Variants in DLG1 observed in about 807,000 individuals in gnomAD.
DLG1 encodes the protein disks large homolog 1.
Under a neutral mutation model 123.4 loss-of-function variants are expected in DLG1, and 42 were observed. The ratio of observed to expected loss-of-function variants is 0.34; its 90% confidence interval spans 0.27 to 0.44. The LOEUF (loss-of-function observed/expected upper bound fraction) is 0.44. Ranked by LOEUF, DLG1 falls within the 20% of genes least tolerant of loss-of-function variation. The pLI is 1.00. For missense variants in DLG1, 942 were observed against 1,082.6 expected, an observed-to-expected ratio of 0.87 and a Z score of 1.82; for synonymous variants, 317 against 356.2, an observed-to-expected ratio of 0.89 and a Z score of 1.24.
At chr3:197,161,705 C>T (rs1798840796) in intron 5 of DLG1, 1 of 1,577,454 alleles carries the variant, frequency 6.3e-7, no homozygotes, top group Non-Finnish European at 8.6e-7. Context: ...ATCACAGGGA[C>T]AGTGGGAGGA....
chr3:197,175,691 G>A (rs1577530473), intron 5 of DLG1, among the ~76,000 whole-genome samples: 1 of 152,078 alleles, frequency 6.6e-6, no homozygotes, highest in East Asian at 1.9e-4. Flanking sequence ...GAGGCTCTGG[G>A]GATACCAAGG....
intron 6 of DLG1, among the ~76,000 whole-genome samples, chr3:197,147,931 T>C (rs1791787541): frequency 6.7e-6 from 1 of 150,294 alleles, no homozygotes; most frequent in African/African-American, 2.4e-5. Flanking sequence ...TATTTGCCAG[T>C]GACATGATCT....
At chr3:197,294,814 G>A (rs1188739122) in intron 3 of DLG1, among the ~76,000 whole-genome samples, 1 of 152,112 alleles carries the variant, frequency 6.6e-6, no homozygotes, top group Non-Finnish European at 1.5e-5. Context: ...TATAAATGTA[G>A]ATTCTGTTAT....
intron 14 of DLG1, among the ~76,000 whole-genome samples, chr3:197,104,189 G>A (rs1268294845): frequency 6.6e-6 from 1 of 152,016 alleles, no homozygotes; most frequent in African/African-American, 2.4e-5. Flanking sequence ...AAAAATCTGG[G>A]TGACCTAATT....
chr3:197,257,761 A>G (rs919981227), intron 4 of DLG1, among the ~76,000 whole-genome samples: 4 of 152,214 alleles, frequency 2.6e-5, no homozygotes, highest in Non-Finnish European at 5.9e-5. Flanking sequence ...CTGCGGTTTA[A>G]GCAGAGTGCT....
rs1415443281 is a variant in DLG1 at position 197,211,484 on chromosome 3, A to G, written c.319-16895T>C. On this transcript the variant is annotated intron_variant, in intron 4 of 24. Coordinates refer to ENST00000667157, the MANE Select transcript of DLG1 (RefSeq NM_001366207.1). ...CATCCCGGGATGCAAGGCTGGTTCA[A>G]TACACGCCAATCAATAAATGTGATT... Among the ~76,000 whole-genome samples, 7 of 146,776 alleles carry G rather than the reference A, an allele frequency of 4.8e-5. 1 individual carries two copies. The highest frequency in any genetic ancestry group is 1.7e-4 in the African/African-American group (7 of 41,134).
At chr3:197,246,840 C>T in intron 4 of DLG1, among the ~76,000 whole-genome samples, 1 of 152,078 alleles carries the variant, frequency 6.6e-6, no homozygotes, top group East Asian at 1.9e-4. Context: ...TGTTACCATC[C>T]CATTGAGGGT....
intron 10 of DLG1, among the ~76,000 whole-genome samples, chr3:197,133,676 T>C (rs1390619024): frequency 6.6e-6 from 1 of 152,134 alleles, no homozygotes; most frequent in Non-Finnish European, 1.5e-5. Flanking sequence ...GAGTGAATAG[T>C]AAAAAGGAGA....
At chr3:197,195,213 A>C (rs1486781902) in intron 4 of DLG1, among the ~76,000 whole-genome samples, 1 of 152,148 alleles carries the variant, frequency 6.6e-6, no homozygotes, top group Non-Finnish European at 1.5e-5. Context: ...CTCATAAAGA[A>C]AAGACACAAA....
intron 15 of DLG1, among the ~76,000 whole-genome samples, chr3:197,089,670 TA>T (rs1756599867): frequency 6.6e-6 from 1 of 151,692 alleles, no homozygotes; most frequent in African/African-American, 2.4e-5. Context: ...CAAGTACAAA[TA>T]AAAGGCAACA....
chr3:197,156,996 T>G (rs1577219827), intron 5 of DLG1, among the ~76,000 whole-genome samples: 1 of 152,096 alleles, frequency 6.6e-6, no homozygotes, highest in Non-Finnish European at 1.5e-5. Flanking sequence ...CAAGTGCACA[T>G]GGGAATAGAA....
At chr3:197,157,824 GTACTGGCATGCAGACAGACA>G (rs1797017957) in intron 5 of DLG1, among the ~76,000 whole-genome samples, 1 of 152,120 alleles carries the variant, frequency 6.6e-6, no homozygotes, top group Non-Finnish European at 1.5e-5. Flanking sequence ...AAACAGTCTG[GTACTGGCATGCAGACAGACA>G]TACAGAAGGG....
intron 24 of DLG1, among the ~76,000 whole-genome samples, chr3:197,047,487 T>C (rs1472920235): frequency 6.6e-6 from 1 of 152,126 alleles, no homozygotes; most frequent in Non-Finnish European, 1.5e-5. Context: ...TTTAGGCTGA[T>C]ATTATTTCAA....
At chr3:197,262,746 CCCAGTAGGTGT>C (rs1759967410) in intron 4 of DLG1, among the ~76,000 whole-genome samples, 1 of 152,170 alleles carries the variant, frequency 6.6e-6, no homozygotes, top group African/African-American at 2.4e-5. Context: ...TTATAGGACA[CCCAGTAGGTGT>C]CCACTGGAAA....
chr3:197,048,563 T>C (rs1339252834), intron 24 of DLG1, among the ~76,000 whole-genome samples: 2 of 152,166 alleles, frequency 1.3e-5, no homozygotes, highest in African/African-American at 4.8e-5. Flanking sequence ...GGCAATGGTA[T>C]GAAGAAAAGG....
intron 3 of DLG1, among the ~76,000 whole-genome samples, chr3:197,289,095 G>C (rs1246104241): frequency 2.6e-5 from 4 of 152,188 alleles, no homozygotes; most frequent in African/African-American, 9.7e-5. Context: ...AAACAAGCCA[G>C]TTGCTTCGTC....
At chr3:197,267,522 C>A (rs1196961293) in intron 4 of DLG1, among the ~76,000 whole-genome samples, 1 of 151,904 alleles carries the variant, frequency 6.6e-6, no homozygotes, top group Non-Finnish European at 1.5e-5. Context: ...CTATAGCATT[C>A]CTTCTCTTCT....
chr3:197,269,444 T>C (rs1372967627), intron 4 of DLG1, among the ~76,000 whole-genome samples: 1 of 152,232 alleles, frequency 6.6e-6, no homozygotes, highest in East Asian at 1.9e-4. Flanking sequence ...CCTGTTACAT[T>C]TCTATCTCTA....
chr3:197,090,822 T>G lies in DLG1; in HGVS notation c.1661+90A>C, dbSNP rs13098049. On this transcript the variant is annotated intron_variant, in intron 15 of 24. Coordinates refer to ENST00000667157, the MANE Select transcript of DLG1 (RefSeq NM_001366207.1). The stretch of plus-strand genomic sequence containing the variant: ...TGATTGGCAATATATTTTCTTACGG[T>G]AAAACTAAGTAAGTTATAGTGAAAA... The G allele has an allele frequency of 2.3e-3, 1,717 of 733,410 alleles. 16 individuals are homozygous for G. In the African/African-American group the frequency reaches 0.026, roughly 11 times the overall value. The allele number at this position is 733,410 out of a possible 1,614,324, so 45.4% of individuals were successfully genotyped here.
Sources: gnomAD v4.1 joint callset for allele counts (sites outside exome capture counted in the v4.1 genomes callset) on GRCh38, gnomAD v4.1.1 for gene constraint, MANE v1.5 for transcripts, NCBI Gene and HGNC (gene_info 2026-07-23, HGNC 2026-07-21) for gene names.